Variants in PRX observed in about 807,000 individuals in gnomAD.
PRX encodes periaxin.
Under a neutral mutation model 29.6 loss-of-function variants are expected in PRX, and 24 were observed. The ratio of observed to expected loss-of-function variants is 0.81; its 90% CI spans 0.59 to 1.14. The LOEUF (loss-of-function observed/expected upper bound fraction) is 1.14. Ranked by LOEUF, PRX falls within the 50% of genes most tolerant of loss-of-function variation. The probability of loss-of-function intolerance (pLI) is 0.00; values close to 1 mark genes in which losing one functional copy is unlikely to be tolerated. For missense variants in PRX, 1,838 were observed against 1,926.4 expected, an observed-to-expected ratio of 0.95 and a Z score of 0.86; for synonymous variants, 772 against 831.7, an observed-to-expected ratio of 0.93 and a Z score of 1.24.
intron 1 of PRX, among the ~76,000 whole-genome samples, chr19:40,408,816 G>GTGTGTGT (rs1555802637): frequency 1.5e-4 from 22 of 143,304 alleles, no homozygotes; most frequent in African/African-American, 4.2e-4. Context: ...TGTTGTTGGT[G>GTGTGTGT]GTGTGTGTGT....
At chr19:40,414,441 A>G (rs1286232221), upstream of PRX, among the ~76,000 whole-genome samples, 1 of 152,178 alleles carries the variant, frequency 6.6e-6, no homozygotes, top group Admixed American at 6.6e-5. Flanking sequence ...ATTTATAGCT[A>G]TGTGGCCAGG....
chr19:40,394,199 C>A lies in PRX; in HGVS notation c.4153G>T (p.Ala1385Ser). ...TGCCCCCGAGAGGCTTTAGAAGGGG[C>A]CGCCAGGCCTACACGTGGCAAGCGG... is the stretch of plus-strand genomic sequence containing the variant. Reference protein sequence around the residue: ...RVRLPRVGLAAPSKASRGQEG... With the variant: ...RVRLPRVGLASPSKASRGQEG... The change falls in exon 7 of 7, where the codon GCC (alanine) becomes TCC (serine). Residue 1385 changes from alanine to serine, a missense_variant. Ala to Ser is a moderately conservative substitution (Grantham distance 99). Coordinates refer to ENST00000324001, the MANE Select transcript of PRX (RefSeq NM_181882.3). This position sits in a 1 kb window ranked among gnomAD's most constrained non-coding sequence, Gnocchi z 5.8. 6.3e-7 allele frequency: 1 copy of A among 1,589,898 alleles called. No individual in the cohort carries two copies. The highest frequency in any genetic ancestry group is 1.1e-5 in the South Asian group (1 of 88,662).
rs746394555 is a variant in PRX at position 40,397,146 on chromosome 19, C to A, written c.1206G>T (p.Glu402Asp). ...RMPTFGLSLLEPRPAAPEVVE... is the reference protein window; with the variant it reads ...RMPTFGLSLLDPRPAAPEVVE... ...CAACTTCAGGAGCAGCGGGCCGGGGCTCCAAGAGGGAAAGCCCAAAGGTGG... is the reference window on the plus strand; with the variant it reads ...CAACTTCAGGAGCAGCGGGCCGGGGATCCAAGAGGGAAAGCCCAAAGGTGG... Residue 402 changes from glutamate (E) to aspartate (D), a missense_variant, in exon 7 of 7, where the codon GAG (glutamate) becomes GAT (aspartate). Glu to Asp is a conservative substitution (Grantham distance 45, BLOSUM62 2). This residue lies in a region of PRX where 666 missense variants were observed against 665.0 expected (regional missense o/e 1.00). Transcript: ENST00000324001. The A allele has an allele frequency of 1.2e-6, 2 of 1,614,038 alleles. No homozygotes were observed. Among genetic ancestry groups the A allele is most frequent in the Non-Finnish European group, 1.7e-6 (2 of 1,180,052 alleles).
chr19:40,393,784 T>C lies in PRX; in HGVS notation c.*182A>G. Reference sequence around the variant, plus strand: ...ATACATGGCTACTTCCAGATTATTTTATTCACATGGCTTGGTGGGGTACAG... The same window carrying C: ...ATACATGGCTACTTCCAGATTATTTCATTCACATGGCTTGGTGGGGTACAG... On this transcript the variant is annotated 3_prime_UTR_variant, in exon 7 of 7. Transcript: ENST00000324001. The C allele has an allele frequency of 3.5e-6, 3 of 867,364 alleles. No homozygotes were observed. In the South Asian group the frequency reaches 5.0e-5, roughly 14 times the overall value. 53.7% of individuals were successfully genotyped at this position (867,364 alleles called of 1,614,324 possible).
rs1340971732 is a variant in PRX, at chr19:40,396,155, G to A, written c.2197C>T (p.Pro733Ser). Residue 733 changes from proline to serine, a missense_variant, in exon 7 of 7, where the codon CCT becomes TCT. By Grantham distance (74) the Pro-to-Ser change is moderately conservative (BLOSUM62 -1). Coordinates refer to ENST00000324001, the MANE Select transcript of PRX (RefSeq NM_181882.3). ...KLPEIKLPKV[P>S]EMAVPDVHLP... is the part of the protein sequence containing the mutation. The stretch of plus-strand genomic sequence containing the variant: ...TGCACATCGGGCACAGCCATCTCAG[G>A]CACCTTGGGGAGTTTTATCTCTGGG... 5.6e-6 allele frequency: 9 copies of A among 1,613,320 alleles called. No homozygotes were observed. Among genetic ancestry groups the A allele is most frequent in the Non-Finnish European group, 7.6e-6 (9 of 1,179,588 alleles).
rs575859236 is a variant in PRX at position 40,408,816 on chromosome 19, G to GGTGTGTGTGT, written c.-242-443_-242-434dup. 6.0e-3 allele frequency among the ~76,000 whole-genome samples: 862 copies of GGTGTGTGTGT among 143,386 alleles called. 13 individuals carry two copies. Among genetic ancestry groups the GGTGTGTGTGT allele is most frequent in the African/African-American group, 0.017 (653 of 38,098 alleles). 94.1% of individuals were successfully genotyped at this position (143,386 alleles called of 152,430 possible). ...CGGCTACGTTTTTGTTGTTGTTGGT[G>GGTGTGTGTGT]GTGTGTGTGTGTGTGTGTGTGTGTG... On this transcript the variant is annotated intron_variant, in intron 1 of 6. Coordinates refer to ENST00000324001, the MANE Select transcript of PRX (RefSeq NM_181882.3).
intron 1 of PRX, among the ~76,000 whole-genome samples, chr19:40,412,970 T>C (rs1000133978): frequency 2.6e-5 from 4 of 152,184 alleles, no homozygotes; most frequent in Non-Finnish European, 5.9e-5. Flanking sequence ...TAAGCAGTCC[T>C]GCCGCCTCAG....
Position 40,404,978 on chromosome 19 carries a change from T to C in PRX, c.28-1116A>G, listed in dbSNP as rs117780513. ...ATGGGATTCTGAGGAAGGGGCTGGC[T>C]GGACCTTCAAGCCCTCTGGGATTGG... is the stretch of plus-strand genomic sequence containing the variant. On this transcript the variant is annotated intron_variant, in intron 4 of 6. Coordinates refer to ENST00000324001, the MANE Select transcript of PRX (RefSeq NM_181882.3). Among the ~76,000 whole-genome samples, 1,086 of 152,280 alleles carry C rather than the reference T, an allele frequency of 7.1e-3. 8 individuals carry two copies. Among genetic ancestry groups the C allele is most frequent in the Middle Eastern group, 0.014 (4 of 294 alleles).
chr19:40,410,227 G>A (rs1207204082), intron 1 of PRX, among the ~76,000 whole-genome samples: 7 of 152,094 alleles, frequency 4.6e-5, no homozygotes, highest in Admixed American at 3.9e-4. Context: ...CCCGACTCTG[G>A]GCTTGTCCTC....
At chr19:40,412,844 T>C (rs1024214455) in intron 1 of PRX, among the ~76,000 whole-genome samples, 2 of 152,102 alleles carry the variant, frequency 1.3e-5, no homozygotes, top group African/African-American at 4.8e-5. Flanking sequence ...GCCTCCAGAG[T>C]AGCTGGAACC....
chr19:40,407,139 C>T (rs1375527223), intron 4 of PRX, among the ~76,000 whole-genome samples: 1 of 151,692 alleles, frequency 6.6e-6, no homozygotes, highest in Non-Finnish European at 1.5e-5. Context: ...CAGGGCCACA[C>T]AGCTGAAGTG....
chr19:40,408,816 GGTGTGTGTGTGTGT>G (rs575859236), intron 1 of PRX, among the ~76,000 whole-genome samples: 8 of 143,400 alleles, frequency 5.6e-5, no homozygotes, highest in South Asian at 2.2e-4. Context: ...TGTTGTTGGT[GGTGTGTGTGTGTGT>G]GTGTGTGTGT....
At chr19:40,408,444 C>T (rs2079542509) in intron 1 of PRX, 61 bp from the exon 2 acceptor site, 2 of 207,830 alleles carry the variant, frequency 9.6e-6, no homozygotes, top group Admixed American at 1.0e-4. Context: ...TCCTGAGTGC[C>T]TGACCCTGCT....
intron 5 of PRX, among the ~76,000 whole-genome samples, chr19:40,401,486 A>G (rs771858671): frequency 6.6e-6 from 1 of 152,176 alleles, no homozygotes; most frequent in African/African-American, 2.4e-5. Context: ...GCAGCAGTTC[A>G]GCACAGTCAA....
At chr19:40,410,008 T>A (rs1223058739) in intron 1 of PRX, among the ~76,000 whole-genome samples, 1 of 152,158 alleles carries the variant, frequency 6.6e-6, no homozygotes, top group Admixed American at 6.6e-5. Context: ...TAATAATACC[T>A]GATGGGTACT....
At chr19:40,403,937 AG>A (rs2079514663) in intron 4 of PRX, 75 bp from the exon 5 acceptor site, 21 of 1,502,670 alleles carry the variant, frequency 1.4e-5, no homozygotes, top group Middle Eastern at 3.4e-4. Context: ...TGCGCTCAAC[AG>A]TGGCTCATAT....
At position 40,396,562 on chromosome 19, in the gene PRX, T is replaced by C. The variant is rs746698242; in HGVS notation, c.1790A>G (p.Glu597Gly). The stretch of plus-strand genomic sequence containing the variant: ...GAGTTGCACTTCAGGGAGTTTCATC[T>C]CAGGAAGTTTCATCTCAGGCACCTT... ...LPKVPEMKLP[E>G]MKLPEVQLPK... is the part of the protein sequence containing the mutation. Residue 597 changes from glutamate (E) to glycine (G), a missense_variant, in exon 7 of 7, where the codon GAG becomes GGG. Physicochemically the swap from Glu to Gly is moderately conservative, Grantham distance 98 (BLOSUM62 -2). Coordinates refer to ENST00000324001, the MANE Select transcript of PRX (RefSeq NM_181882.3). The C allele has an allele frequency of 5.8e-5, 94 of 1,612,500 alleles. No homozygotes were observed. Among genetic ancestry groups the C allele is most frequent in the Non-Finnish European group, 7.6e-5 (90 of 1,179,730 alleles).
At chr19:40,399,303 G>C (rs1317353374) in intron 5 of PRX, among the ~76,000 whole-genome samples, 1 of 152,056 alleles carries the variant, frequency 6.6e-6, no homozygotes, top group Non-Finnish European at 1.5e-5. Context: ...TGTCCTTCTC[G>C]TCTACATTAT....
At chr19:40,410,571 T>C (rs2079553851) in intron 1 of PRX, among the ~76,000 whole-genome samples, 1 of 152,162 alleles carries the variant, frequency 6.6e-6, no homozygotes, top group South Asian at 2.1e-4. Flanking sequence ...GGACTTGAAC[T>C]TGTCTAAAAA....
Sources: gnomAD v4.1 joint callset for allele counts (sites outside exome capture counted in the v4.1 genomes callset) on GRCh38, gnomAD v4.1.1 for gene constraint, gnomAD v4.1.1 regional missense constraint, Gnocchi (gnomAD v3.1) non-coding constraint, MANE v1.5 for transcripts, NCBI Gene and HGNC (gene_info 2026-07-23, HGNC 2026-07-21) for gene names.